The following CAMK1D variants were observed in gnomAD, a reference collection of about 807,000 sequenced individuals.
CAMK1D encodes calcium/calmodulin dependent protein kinase ID.
A neutral mutation model predicts 47.7 loss-of-function variants in CAMK1D; 9 were observed. The observed-to-expected ratio is 0.19, with a 90% CI of 0.11 to 0.33. CAMK1D has a LOEUF of 0.33. CAMK1D is among the 10% of genes least tolerant of loss of function. The pLI is 1.00. For missense variants in CAMK1D, 291 were observed against 488.7 expected, an observed-to-expected ratio of 0.60 and a Z score of 3.81; for synonymous variants, 184 against 184.9, an observed-to-expected ratio of 0.99 and a Z score of 0.04.
At chr10:12,752,312 G>A (rs1564536352) in intron 3 of CAMK1D, among the ~76,000 whole-genome samples, 1 of 152,164 alleles carries the variant, frequency 6.6e-6, no homozygotes, top group African/African-American at 2.4e-5. Context: ...CTAAATGCAT[G>A]TGCCTACCCA....
chr10:12,349,735 C>G lies in CAMK1D; in HGVS notation c.-84C>G, dbSNP rs1837291100. The G allele has an allele frequency of 2.7e-6, 1 of 375,692 alleles. No homozygotes were observed. The highest frequency in any genetic ancestry group is 2.2e-5 in the African/African-American group (1 of 44,700). The allele number at this position is 375,692 out of a possible 1,614,324, so 23.3% of individuals were successfully genotyped here. A position where few individuals can be genotyped will look rare whatever the true frequency, so the allele number is the denominator to read the frequency against. ...CGCAGCCCGAGCCGCCCGGCATCCC[C>G]GCCGCCTCTGCGCCCGCGCCGCGCC... is the stretch of plus-strand genomic sequence containing the variant. On this transcript the variant is annotated 5_prime_UTR_variant, in exon 1 of 11. Transcript: ENST00000619168.
chr10:12,756,282 A>G (rs937951615), intron 3 of CAMK1D, among the ~76,000 whole-genome samples: 1 of 152,250 alleles, frequency 6.6e-6, no homozygotes, highest in African/African-American at 2.4e-5. Context: ...AAATTGTAAG[A>G]TAACAGGATA....
intron 3 of CAMK1D, chr10:12,725,427 AAAG>A (rs1451236326): frequency 1.3e-5 from 2 of 155,134 alleles, no homozygotes; most frequent in Non-Finnish European, 2.9e-5. Flanking sequence ...CCTCAACACT[AAAG>A]GACATCAAAG....
chr10:12,630,828 G>A (rs977026755), intron 2 of CAMK1D, among the ~76,000 whole-genome samples: 2 of 152,112 alleles, frequency 1.3e-5, no homozygotes, highest in African/African-American at 2.4e-5. Flanking sequence ...ACTGCACAAT[G>A]TAGCAACTTG....
intron 1 of CAMK1D, among the ~76,000 whole-genome samples, chr10:12,466,231 C>T (rs1833585217): frequency 6.6e-6 from 1 of 151,942 alleles, no homozygotes; most frequent in African/African-American, 2.4e-5. Flanking sequence ...CACGGTGAAA[C>T]CCCATCTCTA....
intron 1 of CAMK1D, among the ~76,000 whole-genome samples, chr10:12,460,972 A>C (rs1833404310): frequency 6.6e-6 from 1 of 152,070 alleles, no homozygotes; most frequent in South Asian, 2.1e-4. Context: ...ACTTGGGAGG[A>C]TGTGATCTTT....
chr10:12,803,828 G>C (rs1403614134), intron 6 of CAMK1D, among the ~76,000 whole-genome samples: 1 of 152,128 alleles, frequency 6.6e-6, no homozygotes, highest in African/African-American at 2.4e-5. Context: ...ATAGCTTCTG[G>C]ACCCCAGAAT....
At chr10:12,760,383 G>A (rs535586307) in intron 3 of CAMK1D, among the ~76,000 whole-genome samples, 42 of 152,126 alleles carry the variant, frequency 2.8e-4, no homozygotes, top group Non-Finnish European at 4.6e-4. Flanking sequence ...TGATCATTCC[G>A]AAGGCATGCT....
intron 1 of CAMK1D, among the ~76,000 whole-genome samples, chr10:12,449,764 C>T (rs1161765299): frequency 1.3e-5 from 2 of 152,130 alleles, no homozygotes; most frequent in East Asian, 1.9e-4. Context: ...TTTGGGAGGC[C>T]TAGGTGGGTG....
At chr10:12,634,513 A>G (rs1839461352) in intron 2 of CAMK1D, among the ~76,000 whole-genome samples, 1 of 152,140 alleles carries the variant, frequency 6.6e-6, no homozygotes, top group South Asian at 2.1e-4. Context: ...GGTGGCTGGA[A>G]TCATCCCATG....
At chr10:12,603,572 G>A (rs1208811653) in intron 2 of CAMK1D, among the ~76,000 whole-genome samples, 1 of 152,160 alleles carries the variant, frequency 6.6e-6, no homozygotes, top group Non-Finnish European at 1.5e-5. Flanking sequence ...ATTCGATGGA[G>A]TGGGACCTCG....
At chr10:12,561,858 T>C (rs1836954806) in intron 2 of CAMK1D, among the ~76,000 whole-genome samples, 1 of 152,214 alleles carries the variant, frequency 6.6e-6, no homozygotes. Context: ...ACTCCCTGAA[T>C]TGAAGGAAAA....
chr10:12,556,642 G>C (rs1371140293), intron 2 of CAMK1D, among the ~76,000 whole-genome samples: 1 of 152,166 alleles, frequency 6.6e-6, no homozygotes, highest in East Asian at 1.9e-4. Context: ...CCAGGGCAAA[G>C]GGTTCAGGGG....
intron 3 of CAMK1D, among the ~76,000 whole-genome samples, chr10:12,742,871 C>A (rs971599909): frequency 6.6e-6 from 1 of 152,194 alleles, no homozygotes; most frequent in African/African-American, 2.4e-5. Flanking sequence ...CCAGTTTATT[C>A]TTCAAGAGGA....
At chr10:12,666,473 A>G (rs1023566366) in intron 2 of CAMK1D, among the ~76,000 whole-genome samples, 5 of 152,158 alleles carry the variant, frequency 3.3e-5, no homozygotes, top group Non-Finnish European at 7.3e-5. Flanking sequence ...CATTTCTGGG[A>G]TTCACATGAA....
At chr10:12,373,683 T>C (rs1838076791) in intron 1 of CAMK1D, among the ~76,000 whole-genome samples, 1 of 152,054 alleles carries the variant, frequency 6.6e-6, no homozygotes, top group African/African-American at 2.4e-5. Flanking sequence ...CCATTCCCTA[T>C]GAACATCTAA....
At chr10:12,527,498 G>C (rs1835664067) in intron 1 of CAMK1D, among the ~76,000 whole-genome samples, 1 of 151,884 alleles carries the variant, frequency 6.6e-6, no homozygotes, top group African/African-American at 2.4e-5. Context: ...GGGACTATAG[G>C]CATGCGCCAC....
intron 1 of CAMK1D, among the ~76,000 whole-genome samples, chr10:12,366,632 C>A (rs1339133071): frequency 6.6e-6 from 1 of 151,956 alleles, no homozygotes; most frequent in Non-Finnish European, 1.5e-5. Context: ...GCACTCCAGC[C>A]TGGGTGACAC....
chr10:12,443,025 C>G (rs567911294), intron 1 of CAMK1D, among the ~76,000 whole-genome samples: 29 of 152,168 alleles, frequency 1.9e-4, no homozygotes, highest in African/African-American at 5.8e-4. Context: ...CTAACGTTTC[C>G]CATCAATTTT....
Sources: allele counts gnomAD v4.1 joint callset (sites outside exome capture counted in the v4.1 genomes callset), GRCh38; gene constraint gnomAD v4.1.1; transcripts MANE v1.5; gene names NCBI Gene and HGNC (gene_info 2026-07-23, HGNC 2026-07-21).